COL17A1: variants seen among roughly 807,000 people sequenced by gnomAD.
The protein encoded by COL17A1 is collagen alpha-1(XVII) chain.
In COL17A1, 181 loss-of-function variants were observed where a neutral mutation model predicts 218.4. The observed-to-expected ratio is 0.83, with a 90% CI of 0.73 to 0.94. The LOEUF is 0.94. COL17A1 is among the 40% of genes least tolerant of loss of function. The probability of loss-of-function intolerance (pLI) is 0.00; values close to 1 mark genes in which losing one functional copy is unlikely to be tolerated. For synonymous variants in COL17A1, 721 were observed against 731.0 expected, an observed-to-expected ratio of 0.99 and a Z score of 0.22; for missense variants, 1,924 against 1,945.9, an observed-to-expected ratio of 0.99 and a Z score of 0.21.
chr10:104,079,926 C>A (rs376092286), intron 2 of COL17A1, among the ~76,000 whole-genome samples: 1,075 of 134,444 alleles, frequency 8.0e-3, no homozygotes, highest in Non-Finnish European at 9.3e-3. Context: ...GACTCCGTCT[C>A]AAAAAAAAAA....
In COL17A1 at chr10:104,032,718, C is replaced by A; in HGVS notation, c.4394G>T (p.Gly1465Val). Residue 1465 changes from glycine to valine, a missense_variant, in exon 55 of 56, where the codon GGG (glycine) becomes GTG (valine). Coordinates refer to ENST00000648076, the MANE Select transcript of COL17A1 (RefSeq NM_000494.4). ...RGPAGPPGHP[G>V]PPGPRGHKGE... Reference sequence around the variant, plus strand: ...CTTGTGTCCTCGAGGGCCAGGTGGCCCAGGATGACCTGGTGGCCCAGCAGG... The same window carrying A: ...CTTGTGTCCTCGAGGGCCAGGTGGCACAGGATGACCTGGTGGCCCAGCAGG... The A allele has an allele frequency of 6.2e-7, 1 of 1,614,158 alleles. No homozygotes were observed. The highest frequency in any genetic ancestry group is 8.5e-7 in the Non-Finnish European group (1 of 1,180,028).
chr10:104,042,720 C>T (rs2086372497), intron 35 of COL17A1, among the ~76,000 whole-genome samples: 2 of 152,232 alleles, frequency 1.3e-5, no homozygotes, highest in African/African-American at 2.4e-5. Context: ...CCTCTATGTA[C>T]TCCTTCTCAC....
chr10:104,034,952 G>A (rs562374210), intron 50 of COL17A1, among the ~76,000 whole-genome samples, 185 bp from the exon 51 acceptor site: 4 of 152,274 alleles, frequency 2.6e-5, no homozygotes, highest in South Asian at 2.1e-4. Flanking sequence ...TCCAGGAATG[G>A]CTGTTCCCGT....
At chr10:104,073,990 G>T in intron 6 of COL17A1, 194 bp downstream of exon 6, 1 of 756,226 alleles carries the variant, frequency 1.3e-6, no homozygotes, top group Non-Finnish European at 2.2e-6. Context: ...ATGACAGCAA[G>T]TTAATGTGGC....
Position 104,072,097 on chromosome 10 carries a change from TAGAG to T in COL17A1, c.416-22_416-19del. 6.2e-7 allele frequency: 1 copy of T among 1,613,976 alleles called. No homozygotes were observed. Among genetic ancestry groups the T allele is most frequent in the Non-Finnish European group, 8.5e-7 (1 of 1,179,984 alleles). On this transcript the variant is annotated intron_variant, in intron 7 of 55. Coordinates refer to ENST00000648076, the MANE Select transcript of COL17A1 (RefSeq NM_000494.4). ...TTCACTCTCTGTACAAGGGAAGAGATAGAGAAGGGTGTGAATGAAGGAGCTTAGA... is the reference window on the plus strand; with the variant it reads ...TTCACTCTCTGTACAAGGGAAGAGATAAGGGTGTGAATGAAGGAGCTTAGA...
At chr10:104,066,313 G>A (rs1296836047) in intron 9 of COL17A1, among the ~76,000 whole-genome samples, 1 of 152,152 alleles carries the variant, frequency 6.6e-6, no homozygotes, top group African/African-American at 2.4e-5. Context: ...GTCCATTAAG[G>A]AAAATGCTGC....
chr10:104,037,161 A>G (rs541683781), intron 46 of COL17A1, 48 bp from the exon 47 acceptor site: 3 of 1,525,966 alleles, frequency 2.0e-6, no homozygotes, highest in East Asian at 4.7e-5. Flanking sequence ...GTACTGAAGC[A>G]ACACCCTCAC....
At chr10:104,036,108 GTGTGTGTATGGGAGT>G (rs2086291813) in intron 48 of COL17A1, among the ~76,000 whole-genome samples, 2 of 27,618 alleles carry the variant, frequency 7.2e-5, no homozygotes, top group Admixed American at 3.8e-4. Flanking sequence ...GTATGGGAGT[GTGTGTGTATGGGAGT>G]GTGTGTATAT....
intron 8 of COL17A1, 92 bp downstream of exon 8, chr10:104,071,940 G>GCA (rs1207092806): frequency 4.6e-5 from 72 of 1,552,288 alleles, no homozygotes; most frequent in African/African-American, 5.5e-5. Flanking sequence ...GTGCATGCAT[G>GCA]CACACACACA....
rs780523850 is a variant in COL17A1, at chr10:104,034,640, C to G, written c.3747G>C (p.Glu1249Asp). ...AAENSDSFRS[E>D]LISYLTSPDV... The stretch of plus-strand genomic sequence containing the variant: ...ACCTACTTGTGAGGTAGCTGATCAG[C>G]TCGCTCCGGAAGCTGTCGCTGTTTT... Residue 1249 changes from glutamate (E) to aspartate (D), a missense_variant, in exon 51 of 56, where the codon GAG becomes GAC. Coordinates refer to ENST00000648076, the MANE Select transcript of COL17A1 (RefSeq NM_000494.4). 6.2e-7 allele frequency: 1 copy of G among 1,610,514 alleles called. No individual in the cohort carries two copies. The highest frequency in any genetic ancestry group is 8.5e-7 in the Non-Finnish European group (1 of 1,178,586).
At chr10:104,068,700 C>G (rs2086646338) in intron 9 of COL17A1, among the ~76,000 whole-genome samples, 1 of 152,222 alleles carries the variant, frequency 6.6e-6, no homozygotes, top group African/African-American at 2.4e-5. Flanking sequence ...AAGCCTCTTG[C>G]TTCTAGCAGA....
Position 104,055,179 on chromosome 10 carries a change from C to T in COL17A1, c.1718-172G>A, listed in dbSNP as rs805692. Reference sequence around the variant, plus strand: ...TATGTCATTTGGGCTCATTGCTGGGCTTCTCTTAGATGCTGCCTTATCTAA... The same window carrying T: ...TATGTCATTTGGGCTCATTGCTGGGTTTCTCTTAGATGCTGCCTTATCTAA... On this transcript the variant is annotated intron_variant, in intron 19 of 55. Transcript: ENST00000648076. 978,531 of 1,427,488 alleles carry T rather than the reference C, an allele frequency of 0.69. 339,115 individuals are homozygous for T. Among genetic ancestry groups the T allele is most frequent in the Admixed American group, 0.73 (35,607 of 48,666 alleles). The allele number at this position is 1,427,488 out of a possible 1,614,324, so 88.4% of individuals were successfully genotyped here.
At chr10:104,063,852 A>C (rs1333546254) in intron 10 of COL17A1, 34 bp from the exon 11 acceptor site, 1 of 1,613,614 alleles carries the variant, frequency 6.2e-7, no homozygotes. Flanking sequence ...GGTGAGAGGG[A>C]CATCTGGCCC....
intron 6 of COL17A1, 58 bp downstream of exon 6, chr10:104,074,126 A>G: frequency 1.9e-6 from 3 of 1,613,318 alleles, no homozygotes; most frequent in South Asian, 2.2e-5. Context: ...CATCTCCCCC[A>G]GGGATTTTCC....
At chr10:104,059,487 G>C in intron 15 of COL17A1, 151 bp downstream of exon 15, 2 of 732,472 alleles carry the variant, frequency 2.7e-6, no homozygotes, top group Non-Finnish European at 5.0e-6. Flanking sequence ...TCTGAGCTAG[G>C]GCTGGGATCC....
At chr10:104,054,953 A>G in intron 20 of COL17A1, 28 bp downstream of exon 20, 2 of 1,614,086 alleles carry the variant, frequency 1.2e-6, no homozygotes, top group Non-Finnish European at 1.7e-6. Context: ...GCTAATATTT[A>G]AGGTAAAAAT....
rs1463729535 is a variant in COL17A1, at chr10:104,034,230, C to T, written c.3871G>A (p.Gly1291Ser). ...GAGCTGTGTGAGGAGGAGCTGCTAC[C>T]CCGACTGTGGGAGGCATCCGTGGAC... Reference protein sequence around the residue: ...LLSTDASHSRGSSSSSHSSSV... With the variant: ...LLSTDASHSRSSSSSSHSSSV... The change falls in exon 52 of 56, where the codon GGT becomes AGT. Residue 1291 changes from glycine to serine, a missense_variant. Coordinates refer to ENST00000648076, the MANE Select transcript of COL17A1 (RefSeq NM_000494.4). 6 of 1,611,958 alleles carry T rather than the reference C, an allele frequency of 3.7e-6. No homozygotes were observed. The highest frequency in any genetic ancestry group is 1.7e-5 in the Admixed American group (1 of 59,916).
rs1435895225 is a variant in COL17A1, at chr10:104,074,244, T to C, written c.332-13A>G. On this transcript the variant is annotated splice_polypyrimidine_tract_variant and intron_variant, in intron 5 of 55. Transcript: ENST00000648076. The stretch of plus-strand genomic sequence containing the variant: ...CCACTGGAGCTCCCTGGAGAGGGGA[T>C]GAAACACTTAGAACAAATGGCCTCT... 6.2e-7 allele frequency: 1 copy of C among 1,614,066 alleles called. No individual in the cohort carries two copies. Among genetic ancestry groups the C allele is most frequent in the Non-Finnish European group, 8.5e-7 (1 of 1,180,018 alleles).
At chr10:104,055,480 A>ACACACT in intron 18 of COL17A1, 79 bp from the exon 19 acceptor site, 1 of 1,505,972 alleles carries the variant, frequency 6.6e-7, no homozygotes, top group African/African-American at 1.4e-5. Context: ...ACACACACAC[A>ACACACT]CAATAAGGGG....
Sources: gnomAD v4.1 joint callset for allele counts (sites outside exome capture counted in the v4.1 genomes callset) on GRCh38, gnomAD v4.1.1 for gene constraint, MANE v1.5 for transcripts, NCBI Gene and HGNC (gene_info 2026-07-23, HGNC 2026-07-21) for gene names.